OSMR: variants seen among roughly 807,000 people sequenced by gnomAD.
The protein encoded by OSMR is oncostatin M receptor, also known as oncostatin-M-specific receptor subunit beta.
Under a neutral mutation model 99.9 loss-of-function variants are expected in OSMR, and 81 were observed. The ratio of observed to expected loss-of-function variants is 0.81; its 90% CI spans 0.68 to 0.97. The LOEUF is 0.97. Ranked by LOEUF, OSMR falls within the 50% of genes least tolerant of loss-of-function variation. The pLI is 0.00. For synonymous variants in OSMR, 406 were observed against 410.4 expected (o/e 0.99, Z 0.13); for missense variants, 1,099 against 1,153.4 (o/e 0.95, Z 0.68).
chr5:38,927,385 T>C (rs1323576476), intron 15 of OSMR, among the ~76,000 whole-genome samples: 1 of 152,224 alleles, frequency 6.6e-6, no homozygotes, highest in African/African-American at 2.4e-5. Flanking sequence ...TGCTTGGACA[T>C]GCAGGCATTT....
intron 15 of OSMR, among the ~76,000 whole-genome samples, chr5:38,929,604 G>A (rs1230000767): frequency 1.3e-5 from 2 of 152,144 alleles, no homozygotes. Context: ...CCCATACCTT[G>A]CTGGTGGGAG....
At chr5:38,885,094 C>A in intron 5 of OSMR, 1 of 663,406 alleles carries the variant, frequency 1.5e-6, no homozygotes, top group Non-Finnish European at 1.9e-6. Context: ...GACATAGCAT[C>A]AGCCACTTGC....
At chr5:38,920,098 G>A (rs1746159815) in intron 11 of OSMR, among the ~76,000 whole-genome samples, 1 of 152,188 alleles carries the variant, frequency 6.6e-6, no homozygotes, top group African/African-American at 2.4e-5. Context: ...GGCCTCTTCT[G>A]AGGAAGGGAG....
intron 7 of OSMR, among the ~76,000 whole-genome samples, chr5:38,890,743 G>T (rs1744102114): frequency 6.6e-6 from 1 of 151,826 alleles, no homozygotes; most frequent in Non-Finnish European, 1.5e-5. Flanking sequence ...AAGAAGAAAA[G>T]AAAAAAGAGA....
chr5:38,886,305 G>A, intron 7 of OSMR, 115 bp downstream of exon 7: 1 of 1,579,280 alleles, frequency 6.3e-7, no homozygotes, highest in Non-Finnish European at 8.6e-7. Context: ...GGAGGTGAGA[G>A]TTAGAATTTA....
chr5:38,878,026 A>T (rs1331783408), intron 3 of OSMR, among the ~76,000 whole-genome samples: 1 of 152,074 alleles, frequency 6.6e-6, no homozygotes, highest in African/African-American at 2.4e-5. Flanking sequence ...ACCCAGCCTG[A>T]CTACAACAGT....
intron 9 of OSMR, among the ~76,000 whole-genome samples, chr5:38,910,827 G>C (rs1363146622): frequency 6.6e-6 from 1 of 152,100 alleles, no homozygotes; most frequent in Non-Finnish European, 1.5e-5. Context: ...TGGCCAATAT[G>C]GTGAAACCCC....
chr5:38,942,785 C>A (rs74451462), intron 1 of OSMR: 32,945 of 1,434,792 alleles, frequency 0.023, 690 homozygotes, highest in South Asian at 0.082. Flanking sequence ...AATTCAAACA[C>A]AGAATTATTC....
chr5:38,924,501 T>C lies in OSMR; in HGVS notation c.1950T>C (p.Thr650=), dbSNP rs1375544618. 6 of 1,613,956 alleles carry C rather than the reference T, an allele frequency of 3.7e-6. No homozygotes were observed. Among genetic ancestry groups the C allele is most frequent in the Non-Finnish European group, 4.2e-6 (5 of 1,179,896 alleles). ...SFTLSWKDYS[T]ESQPGFIQGY... is the part of the protein sequence containing the mutation. Reference sequence around the variant, plus strand: ...CTCTGAGTTGGAAAGATTACTCTACTGAATCTCAACCTGGTTTTATACAAG... The same window carrying C: ...CTCTGAGTTGGAAAGATTACTCTACCGAATCTCAACCTGGTTTTATACAAG... Residue 650 remains threonine, a synonymous_variant, in exon 14 of 18, where the codon ACT becomes ACC. Transcript: ENST00000274276.
chr5:38,936,076 A>ATAAT (rs1216850935), downstream of OSMR, among the ~76,000 whole-genome samples: 1 of 152,236 alleles, frequency 6.6e-6, no homozygotes, highest in African/African-American at 2.4e-5. Context: ...AAACTTTGAA[A>ATAAT]TAATACATAT....
At chr5:38,903,532 A>T (rs141312333) in intron 7 of OSMR, among the ~76,000 whole-genome samples, 1 of 152,168 alleles carries the variant, frequency 6.6e-6, no homozygotes, top group Non-Finnish European at 1.5e-5. Flanking sequence ...TATATCCTTG[A>T]CATTGTTAAT....
chr5:38,932,663 C>T, intron 17 of OSMR, 128 bp downstream of exon 17: 1 of 1,540,826 alleles, frequency 6.5e-7, no homozygotes, highest in Non-Finnish European at 8.8e-7. Context: ...ATCTTTGCAC[C>T]CACAGCCATG....
intron 9 of OSMR, among the ~76,000 whole-genome samples, chr5:38,914,367 A>T (rs1335952079): frequency 6.6e-6 from 1 of 152,198 alleles, no homozygotes; most frequent in Admixed American, 6.5e-5. Context: ...GTCAAAAAGC[A>T]ACAGATTCTG....
intron 15 of OSMR, among the ~76,000 whole-genome samples, chr5:38,929,084 A>G (rs900332906): frequency 6.6e-6 from 1 of 152,198 alleles, no homozygotes; most frequent in Non-Finnish European, 1.5e-5. Context: ...TTTAAAAAAA[A>G]TAGGTATACT....
In OSMR at chr5:38,935,628, A is replaced by C. The variant is rs1387670565; in HGVS notation, c.*2184A>C. On this transcript the variant is annotated 3_prime_UTR_variant, in exon 18 of 18. Coordinates refer to ENST00000274276, the MANE Select transcript of OSMR (RefSeq NM_003999.3). ...GCTATTGAAATAAACCTTAATTAAAATATTTCATCATCACATTGTGTTTTA... is the reference window on the plus strand; with the variant it reads ...GCTATTGAAATAAACCTTAATTAAACTATTTCATCATCACATTGTGTTTTA... 1.3e-5 allele frequency: 2 copies of C among 152,204 alleles called. No individual in the cohort carries two copies. Among genetic ancestry groups the C allele is most frequent in the Non-Finnish European group, 2.9e-5 (2 of 68,040 alleles). 9.4% of individuals were successfully genotyped at this position (152,204 alleles called of 1,614,324 possible). A position where few individuals can be genotyped will look rare whatever the true frequency, so the allele number is the denominator to read the frequency against.
At chr5:38,896,988 C>G (rs1339327403) in intron 7 of OSMR, among the ~76,000 whole-genome samples, 2 of 152,114 alleles carry the variant, frequency 1.3e-5, no homozygotes, top group African/African-American at 4.8e-5. Flanking sequence ...CCTTGCATCC[C>G]TGGGATAGAT....
chr5:38,906,090 G>A (rs1745210518), intron 9 of OSMR, among the ~76,000 whole-genome samples: 1 of 151,956 alleles, frequency 6.6e-6, no homozygotes, highest in Non-Finnish European at 1.5e-5. Flanking sequence ...TGTTCTGGAA[G>A]GCCCTGTTCC....
In OSMR at chr5:38,935,095, A is replaced by G. The variant is rs1348935158; in HGVS notation, c.*1651A>G. On this transcript the variant is annotated 3_prime_UTR_variant, in exon 18 of 18. Coordinates refer to ENST00000274276, the MANE Select transcript of OSMR (RefSeq NM_003999.3). ...GGTGATCTGCCTGCCTTGGCCTCCC[A>G]AAGTGCTGGGATTACAGGCGTGAGC... 1 of 152,008 alleles carries G rather than the reference A, an allele frequency of 6.6e-6. No individual in the cohort carries two copies. The highest frequency in any genetic ancestry group is 2.4e-5 in the African/African-American group (1 of 41,264). The allele number at this position is 152,008 out of a possible 1,614,324, so 9.4% of individuals were successfully genotyped here.
rs1228044952 is a variant in OSMR at position 38,886,046 on chromosome 5, G to C, written c.847G>C (p.Gly283Arg). ...TTTGTTTTGTTTTTAAAGATTTTCT[G>C]GGGAAAAGAAACTTTGTACACACAA... ...QSYTLFESFSGEKKLCTHKNW... is the reference protein window; with the variant it reads ...QSYTLFESFSREKKLCTHKNW... Residue 283 changes from glycine (G) to arginine (R), a missense_variant, in exon 7 of 18, where the codon GGG becomes CGG. By Grantham distance (125) the Gly-to-Arg change is moderately radical. Transcript: ENST00000274276. 2.5e-6 allele frequency: 4 copies of C among 1,613,024 alleles called. No homozygotes were observed. Among genetic ancestry groups the C allele is most frequent in the Non-Finnish European group, 3.4e-6 (4 of 1,179,806 alleles).
Sources: gnomAD v4.1 joint callset for allele counts (sites outside exome capture counted in the v4.1 genomes callset) on GRCh38, gnomAD v4.1.1 for gene constraint, MANE v1.5 for transcripts, NCBI Gene and HGNC (gene_info 2026-07-23, HGNC 2026-07-21) for gene names.